Variants in SIPA1L3 observed in about 807,000 individuals in gnomAD.
SIPA1L3 encodes signal-induced proliferation-associated 1-like protein 3.
In SIPA1L3, 59 loss-of-function variants were observed where a neutral mutation model predicts 150.1. That is an observed-to-expected ratio of 0.39 (90% CI 0.32 to 0.49). The LOEUF (loss-of-function observed/expected upper bound fraction) is 0.49. Ranked by LOEUF, SIPA1L3 falls within the 20% of genes least tolerant of loss-of-function variation. The probability of loss-of-function intolerance (pLI) is 0.86; values close to 1 mark genes in which losing one functional copy is unlikely to be tolerated. For missense variants in SIPA1L3, 2,211 were observed against 2,489.5 expected, an observed-to-expected ratio of 0.89 and a Z score of 2.38; for synonymous variants, 1,070 against 1,077.6, an observed-to-expected ratio of 0.99 and a Z score of 0.14.
At chr19:37,995,468 A>AG (rs1376442686) in intron 1 of SIPA1L3, among the ~76,000 whole-genome samples, 1 of 152,088 alleles carries the variant, frequency 6.6e-6, no homozygotes, top group African/African-American at 2.4e-5. Flanking sequence ...TACCTTCCTG[A>AG]GGGGGACACC....
intron 14 of SIPA1L3, among the ~76,000 whole-genome samples, chr19:38,163,207 G>T (rs1362981620): frequency 2.0e-5 from 3 of 152,110 alleles, no homozygotes; most frequent in Non-Finnish European, 4.4e-5. Context: ...GAAAAAGTGC[G>T]GGCTGGGCGC....
intron 17 of SIPA1L3, among the ~76,000 whole-genome samples, chr19:38,192,883 C>T: frequency 6.6e-6 from 1 of 152,180 alleles, no homozygotes; most frequent in East Asian, 1.9e-4. Context: ...AGCACATCAG[C>T]CCAGCGCTAC....
intron 1 of SIPA1L3, among the ~76,000 whole-genome samples, chr19:37,987,168 T>C (rs1304566459): frequency 2.0e-5 from 3 of 152,070 alleles, no homozygotes; most frequent in African/African-American, 7.2e-5. Flanking sequence ...CCTCAGGTGA[T>C]CCACCCGCCT....
At chr19:37,932,078 G>C (rs1305979363) in intron 1 of SIPA1L3, among the ~76,000 whole-genome samples, 1 of 152,226 alleles carries the variant, frequency 6.6e-6, no homozygotes, top group Non-Finnish European at 1.5e-5. Context: ...CAGCGACCGT[G>C]TTTAATCATT....
intron 1 of SIPA1L3, among the ~76,000 whole-genome samples, chr19:37,913,798 C>T (rs957030223): frequency 6.0e-4 from 91 of 150,618 alleles, no homozygotes; most frequent in Non-Finnish European, 8.1e-4. Flanking sequence ...GGGCAGATCA[C>T]GAGGTCAGGA....
chr19:38,148,115 G>A (rs1353530364), intron 12 of SIPA1L3, among the ~76,000 whole-genome samples: 1 of 152,066 alleles, frequency 6.6e-6, no homozygotes, highest in Non-Finnish European at 1.5e-5. Flanking sequence ...CACTTTGGGA[G>A]GCTGAGGCGG....
chr19:38,167,608 G>T (rs1972238853), intron 15 of SIPA1L3, among the ~76,000 whole-genome samples: 1 of 152,160 alleles, frequency 6.6e-6, no homozygotes, highest in African/African-American at 2.4e-5. Context: ...TATTGCCCAG[G>T]CTGGGGTGCA....
chr19:38,050,179 G>A (rs1382582414), intron 2 of SIPA1L3, among the ~76,000 whole-genome samples: 2 of 152,236 alleles, frequency 1.3e-5, no homozygotes, highest in African/African-American at 2.4e-5. Context: ...GTGCTGGCTG[G>A]GCATGGTGGC....
At chr19:38,056,723 T>A (rs1969323533) in intron 2 of SIPA1L3, among the ~76,000 whole-genome samples, 1 of 152,086 alleles carries the variant, frequency 6.6e-6, no homozygotes, top group Non-Finnish European at 1.5e-5. Flanking sequence ...CTTGTTTGGT[T>A]TTTTTTCCCC....
At chr19:37,960,915 C>G (rs539401097) in intron 1 of SIPA1L3, among the ~76,000 whole-genome samples, 76 of 151,992 alleles carry the variant, frequency 5.0e-4, no homozygotes, top group African/African-American at 1.7e-3. Flanking sequence ...GTCACCCAGG[C>G]TGGAGTGCAG....
In SIPA1L3 at chr19:38,081,397, C is replaced by T. The variant is rs1190777914; in HGVS notation, c.-169C>T. On this transcript the variant is annotated 5_prime_UTR_variant, in exon 3 of 22. Coordinates refer to ENST00000222345, the MANE Select transcript of SIPA1L3 (RefSeq NM_015073.3). The stretch of plus-strand genomic sequence containing the variant: ...GTTGTCCTGGCTCAGCTGTGCACAG[C>T]GATGGTGGAGAACTGGACTCCACAG... 1.3e-5 allele frequency: 8 copies of T among 638,650 alleles called. No individual in the cohort carries two copies. The highest frequency in any genetic ancestry group is 5.5e-5 in the East Asian group (2 of 36,214). 39.6% of individuals were successfully genotyped at this position (638,650 alleles called of 1,614,324 possible).
chr19:38,192,115 A>ACCCCTCTGACCCTGACG (rs1327683524), intron 16 of SIPA1L3, 30 bp from the exon 17 acceptor site: 1 of 1,556,008 alleles, frequency 6.4e-7, no homozygotes, highest in African/African-American at 1.4e-5. Flanking sequence ...CCTCCCTGAC[A>ACCCCTCTGACCCTGACG]CCCCTCTGAC....
At chr19:38,015,856 G>C (rs1015333857) in intron 1 of SIPA1L3, among the ~76,000 whole-genome samples, 3 of 152,080 alleles carry the variant, frequency 2.0e-5, no homozygotes, top group African/African-American at 7.2e-5. Flanking sequence ...GGCCTCTGGG[G>C]ACTGTCAGTG....
rs1972854130 is a variant in SIPA1L3 at position 38,193,654 on chromosome 19, C to G, written c.4714C>G (p.Leu1572Val). The G allele has an allele frequency of 2.5e-6, 4 of 1,581,636 alleles. No individual in the cohort carries two copies. Among genetic ancestry groups the G allele is most frequent in the Non-Finnish European group, 2.6e-6 (3 of 1,171,682 alleles). ...AGAGCCAGGGCTGCCCAGCGACGTG[C>G]TCTTCACCAGCACCTGCGCCTTCCC... is the stretch of plus-strand genomic sequence containing the variant. ...GLEPGLPSDV[L>V]FTSTCAFPSS... The change falls in exon 18 of 22, where the codon CTC becomes GTC. Residue 1572 changes from leucine (L) to valine (V), a missense_variant. By Grantham distance (32) the Leu-to-Val change is conservative (BLOSUM62 1). Coordinates refer to ENST00000222345, the MANE Select transcript of SIPA1L3 (RefSeq NM_015073.3).
At chr19:37,916,529 G>A (rs867729822) in intron 1 of SIPA1L3, among the ~76,000 whole-genome samples, 13 of 151,062 alleles carry the variant, frequency 8.6e-5, no homozygotes, top group South Asian at 6.3e-4. Flanking sequence ...TGAAAGTATG[G>A]AGAGCATCTT....
At chr19:38,044,405 C>G (rs751330771) in intron 2 of SIPA1L3, among the ~76,000 whole-genome samples, 2 of 151,916 alleles carry the variant, frequency 1.3e-5, no homozygotes, top group Admixed American at 6.6e-5. Context: ...CGAAGCTGTG[C>G]GGAGAGACGG....
chr19:37,939,470 C>T (rs1438154492), intron 1 of SIPA1L3, among the ~76,000 whole-genome samples: 1 of 151,902 alleles, frequency 6.6e-6, no homozygotes, highest in African/African-American at 2.4e-5. Flanking sequence ...TGACAGTGGC[C>T]TAAGCAAGAT....
chr19:37,922,674 T>G (rs2046467287), intron 1 of SIPA1L3, among the ~76,000 whole-genome samples: 2 of 150,734 alleles, frequency 1.3e-5, no homozygotes, highest in South Asian at 2.2e-4. Flanking sequence ...ATTACAGGCG[T>G]GAGCCACTGA....
At chr19:38,072,299 T>C (rs1458249078) in intron 2 of SIPA1L3, among the ~76,000 whole-genome samples, 4 of 152,238 alleles carry the variant, frequency 2.6e-5, no homozygotes, top group Non-Finnish European at 5.9e-5. Context: ...TGTGAAGTGC[T>C]CTGGAAAGGA....
Sources: allele counts gnomAD v4.1 joint callset (sites outside exome capture counted in the v4.1 genomes callset), GRCh38; gene constraint gnomAD v4.1.1; transcripts MANE v1.5; gene names NCBI Gene and HGNC (gene_info 2026-07-23, HGNC 2026-07-21).